PHACTR1: variants seen among roughly 807,000 people sequenced by gnomAD.
The protein encoded by PHACTR1 is RPEL repeat containing 1.
In PHACTR1, 16 loss-of-function variants were observed where a neutral mutation model predicts 69.2. The observed-to-expected ratio is 0.23, with a 90% confidence interval of 0.16 to 0.35. The LOEUF (loss-of-function observed/expected upper bound fraction) is 0.35, where lower values mean the gene tolerates loss of function less well. PHACTR1 is among the 10% of genes least tolerant of loss of function. The pLI, the probability that PHACTR1 is intolerant of heterozygous loss-of-function variation, is 1.00. For missense variants in PHACTR1, 510 were observed against 734.7 expected, an observed-to-expected ratio of 0.69 and a Z score of 3.54; for synonymous variants, 312 against 284.5, an observed-to-expected ratio of 1.10 and a Z score of -0.97.
intron 4 of PHACTR1, among the ~76,000 whole-genome samples, chr6:12,978,181 C>CTCTA (rs1795113344): frequency 6.6e-6 from 1 of 152,180 alleles, no homozygotes; most frequent in Non-Finnish European, 1.5e-5. Flanking sequence ...GTACCATCCA[C>CTCTA]TCTACTCCTC....
At chr6:12,720,444 G>A (rs1761965589) in intron 3 of PHACTR1, among the ~76,000 whole-genome samples, 3 of 152,182 alleles carry the variant, frequency 2.0e-5, no homozygotes. Flanking sequence ...GCAGTGTGTG[G>A]GAGGCTCGGG....
At chr6:13,263,522 C>T (rs1043521480) in intron 10 of PHACTR1, among the ~76,000 whole-genome samples, 2 of 152,164 alleles carry the variant, frequency 1.3e-5, no homozygotes, top group Non-Finnish European at 2.9e-5. Context: ...AACCATTTTG[C>T]TGCTCAGACA....
intron 4 of PHACTR1, among the ~76,000 whole-genome samples, chr6:12,893,493 C>G (rs570092438): frequency 2.4e-4 from 37 of 152,218 alleles, no homozygotes; most frequent in African/African-American, 8.7e-4. Flanking sequence ...TGCAAGATGA[C>G]CCTGTGAATC....
intron 5 of PHACTR1, among the ~76,000 whole-genome samples, chr6:13,153,785 A>G (rs1215295606): frequency 2.0e-5 from 3 of 152,220 alleles, no homozygotes; most frequent in Admixed American, 6.5e-5. Flanking sequence ...CTACTGATCA[A>G]TTAGGTGTTA....
At chr6:12,993,066 A>T (rs9296580) in intron 4 of PHACTR1, among the ~76,000 whole-genome samples, 79,083 of 152,080 alleles carry the variant, frequency 0.52, 23,156 homozygotes, top group African/African-American at 0.8. Flanking sequence ...TGGCCTTTTC[A>T]TATTGGCACA....
intron 7 of PHACTR1, among the ~76,000 whole-genome samples, chr6:13,187,230 C>G (rs966696508): frequency 2.6e-5 from 4 of 152,114 alleles, no homozygotes; most frequent in Non-Finnish European, 5.9e-5. Flanking sequence ...TGGTTGGGGA[C>G]CCCTGGTTTG....
intron 4 of PHACTR1, among the ~76,000 whole-genome samples, chr6:12,966,591 T>G (rs1476118580): frequency 3.3e-5 from 5 of 152,226 alleles, no homozygotes; most frequent in Non-Finnish European, 2.9e-5. Context: ...TTACACCACA[T>G]ATTTTTCTAC....
At chr6:13,239,851 C>T (rs970193562) in intron 10 of PHACTR1, among the ~76,000 whole-genome samples, 10 of 152,304 alleles carry the variant, frequency 6.6e-5, no homozygotes, top group East Asian at 1.9e-4. Context: ...GAGGAGGCCC[C>T]GTCTGCAAGC....
At chr6:12,856,331 G>A (rs1446329868) in intron 4 of PHACTR1, among the ~76,000 whole-genome samples, 2 of 145,272 alleles carry the variant, frequency 1.4e-5, no homozygotes, top group African/African-American at 5.1e-5. Flanking sequence ...TCGGCTTACT[G>A]CAAGCTCCGC....
At position 13,283,767 on chromosome 6, in the gene PHACTR1, A is replaced by T; in HGVS notation, c.1650+205A>T. On this transcript the variant is annotated intron_variant, in intron 13 of 14. Transcript: ENST00000332995. The surrounding 1 kb of genome is among the most constrained non-coding windows in gnomAD (Gnocchi z 4.7). ...CTGAATCGGAGAAAACACAAGGCAC[A>T]TAATACTGTGCCCATTTTACAGGAG... 1.4e-6 allele frequency: 1 copy of T among 691,492 alleles called. No individual in the cohort carries two copies. The highest frequency in any genetic ancestry group is 2.4e-6 in the Non-Finnish European group (1 of 420,792). The allele number at this position is 691,492 out of a possible 1,614,324, so 42.8% of individuals were successfully genotyped here. A position where few individuals can be genotyped will look rare whatever the true frequency, so the allele number is the denominator to read the frequency against.
intron 4 of PHACTR1, among the ~76,000 whole-genome samples, chr6:12,794,682 T>C (rs1290642450): frequency 2.0e-5 from 3 of 152,246 alleles, no homozygotes; most frequent in African/African-American, 7.2e-5. Context: ...TGAAATTCGA[T>C]GTGCGTCTTC....
intron 5 of PHACTR1, among the ~76,000 whole-genome samples, chr6:13,139,920 AG>A (rs1418294061): frequency 2.6e-5 from 4 of 152,334 alleles, no homozygotes; most frequent in Admixed American, 6.5e-5. Context: ...AGAATTCAAA[AG>A]TCTTATAATC....
At position 12,931,240 on chromosome 6, in the gene PHACTR1, G is replaced by C. The variant is rs114739159; in HGVS notation, c.251-122125G>C. 3.8e-3 allele frequency among the ~76,000 whole-genome samples: 579 copies of C among 152,092 alleles called. 6 individuals carry two copies. Among genetic ancestry groups the C allele is most frequent in the African/African-American group, 0.013 (554 of 41,372 alleles). Reference sequence around the variant, plus strand: ...ACGATTGTGACTTTTCAGAGAGTGAGAAGGAGGTAAAGGAAGTTTGGGGAA... The same window carrying C: ...ACGATTGTGACTTTTCAGAGAGTGACAAGGAGGTAAAGGAAGTTTGGGGAA... On this transcript the variant is annotated intron_variant, in intron 4 of 14. Transcript: ENST00000332995.
intron 6 of PHACTR1, among the ~76,000 whole-genome samples, chr6:13,171,706 G>A (rs1176615410): frequency 6.6e-6 from 1 of 152,100 alleles, no homozygotes; most frequent in East Asian, 1.9e-4. Context: ...AGCCCAGCTA[G>A]AGAAACAGAG....
intron 8 of PHACTR1, among the ~76,000 whole-genome samples, chr6:13,223,987 TA>T (rs139577439): frequency 6.6e-6 from 1 of 151,940 alleles, no homozygotes; most frequent in Non-Finnish European, 1.5e-5. Context: ...CCCTGAAAAT[TA>T]AAAAAAACCC....
At chr6:13,099,898 T>G (rs532065270) in intron 5 of PHACTR1, among the ~76,000 whole-genome samples, 47 of 152,242 alleles carry the variant, frequency 3.1e-4, no homozygotes, top group Non-Finnish European at 6.0e-4. Context: ...GTGAGCCTTA[T>G]GGATGATAGT....
At chr6:12,835,824 T>C (rs1778098028) in intron 4 of PHACTR1, among the ~76,000 whole-genome samples, 1 of 152,128 alleles carries the variant, frequency 6.6e-6, no homozygotes, top group South Asian at 2.1e-4. Flanking sequence ...AGTGGAAATA[T>C]CTAAATTAAG....
At chr6:13,120,040 A>C (rs1818460404) in intron 5 of PHACTR1, among the ~76,000 whole-genome samples, 1 of 152,138 alleles carries the variant, frequency 6.6e-6, no homozygotes. Flanking sequence ...GCCCATGGAC[A>C]CATGGTCCGT....
At chr6:12,982,614 G>T (rs1233415187) in intron 4 of PHACTR1, among the ~76,000 whole-genome samples, 1 of 152,212 alleles carries the variant, frequency 6.6e-6, no homozygotes, top group Non-Finnish European at 1.5e-5. Flanking sequence ...AGAGGTGGAG[G>T]TTGCAGCGAG....
Sources: gnomAD v4.1 joint callset for allele counts (sites outside exome capture counted in the v4.1 genomes callset) on GRCh38, gnomAD v4.1.1 for gene constraint, Gnocchi (gnomAD v3.1) non-coding constraint, MANE v1.5 for transcripts, NCBI Gene and HGNC (gene_info 2026-07-23, HGNC 2026-07-21) for gene names.